The following ADGRG5 variants were observed in gnomAD, a reference collection of about 807,000 sequenced individuals.
The protein encoded by ADGRG5 is adhesion G protein-coupled receptor G5.
Under a neutral mutation model 53.2 loss-of-function variants are expected in ADGRG5, and 37 were observed. That is an observed-to-expected ratio of 0.70 (90% CI 0.53 to 0.91). The LOEUF (loss-of-function observed/expected upper bound fraction) is 0.91. ADGRG5 is among the 40% of genes least tolerant of loss of function. ADGRG5 has a pLI of 0.00. For synonymous variants in ADGRG5, 277 were observed against 290.4 expected (o/e 0.95, Z 0.47); for missense variants, 614 against 675.8 (o/e 0.91, Z 1.01).
chr16:57,556,144 C>T (rs1267229244), intron 1 of ADGRG5, among the ~76,000 whole-genome samples: 1 of 152,142 alleles, frequency 6.6e-6, no homozygotes, highest in African/African-American at 2.4e-5. Flanking sequence ...TACTAATACA[C>T]TTATGATTGG....
chr16:57,565,395 C>T (rs1226423955), intron 6 of ADGRG5: 3 of 545,358 alleles, frequency 5.5e-6, no homozygotes, highest in African/African-American at 3.8e-5. Flanking sequence ...CTGATTGGCA[C>T]ACATCCATGA....
At chr16:57,554,351 A>G (rs1431006395) in intron 1 of ADGRG5, among the ~76,000 whole-genome samples, 1 of 149,042 alleles carries the variant, frequency 6.7e-6, no homozygotes, top group African/African-American at 2.5e-5. Context: ...TCCATTTTCT[A>G]TTTTATTGAT....
chr16:57,541,260 C>G (rs1361814807), upstream of ADGRG5, among the ~76,000 whole-genome samples: 1 of 152,138 alleles, frequency 6.6e-6, no homozygotes, highest in Non-Finnish European at 1.5e-5. Context: ...CCTCCTGAGC[C>G]CTAAGAATAG....
the ADGRG5 span, chr16:57,529,407 C>T: frequency 1.6e-5 from 5 of 313,766 alleles, no homozygotes; most frequent in South Asian, 1.4e-4. This position sits in a 1 kb window ranked among gnomAD's most constrained non-coding sequence, Gnocchi z 4.1. Context: ...GCGGAGGGAA[C>T]AGAACGGCCA....
At chr16:57,554,991 GT>G (rs564319264) in intron 1 of ADGRG5, among the ~76,000 whole-genome samples, 1 of 151,940 alleles carries the variant, frequency 6.6e-6, no homozygotes, top group Non-Finnish European at 1.5e-5. Flanking sequence ...GCCTCTTTAT[GT>G]TTTTTAATTC....
intron 1 of ADGRG5, among the ~76,000 whole-genome samples, chr16:57,555,746 A>G (rs945111828): frequency 5.3e-5 from 8 of 152,150 alleles, no homozygotes; most frequent in Admixed American, 1.3e-4. Flanking sequence ...ACTTTTTCAG[A>G]TATTAATATA....
At chr16:57,543,998 C>G (rs4784824) in intron 1 of ADGRG5, among the ~76,000 whole-genome samples, 70,858 of 152,044 alleles carry the variant, frequency 0.47, 16,963 homozygotes, top group East Asian at 0.67. Flanking sequence ...CTGAATACTG[C>G]AACTGGTTAT....
At chr16:57,550,768 G>A (rs1371060232) in intron 1 of ADGRG5, among the ~76,000 whole-genome samples, 1 of 152,162 alleles carries the variant, frequency 6.6e-6, no homozygotes, top group Non-Finnish European at 1.5e-5. Flanking sequence ...GGTGGCTCAT[G>A]TCTGTAATCC....
rs1362247052 is a variant in ADGRG5, at chr16:57,574,058, C to T, written c.1209-757C>T. Among the ~76,000 whole-genome samples the T allele has an allele frequency of 3.3e-5, 5 of 152,178 alleles. No homozygotes were observed. The East Asian group carries it at 5.8e-4, about 18-fold the overall frequency. The stretch of plus-strand genomic sequence containing the variant: ...TAGTTCTAGGAAGTCCTTACATTTC[C>T]CTGTCTCTAAACCCTTTTCTCCTGC... On this transcript the variant is annotated intron_variant, in intron 10 of 11. Coordinates refer to ENST00000349457, the MANE Select transcript of ADGRG5 (RefSeq NM_001304376.3). This position sits in a 1 kb window ranked among gnomAD's most constrained non-coding sequence, Gnocchi z 4.4.
rs754271937 is a variant in ADGRG5 at position 57,565,164 on chromosome 16, C to T, written c.546+14C>T. On this transcript the variant is annotated intron_variant, in intron 6 of 11. Transcript: ENST00000349457. ...AACCAAAGCCTGGTACTGCTGGGGG[C>T]GCCCCCGTTTCCACTGCACCCCTGC... The T allele has an allele frequency of 3.4e-5, 53 of 1,539,088 alleles. No homozygotes were observed. In the East Asian group the frequency reaches 5.2e-4, roughly 15 times the overall value.
chr16:57,548,351 C>G (rs1368413133), intron 1 of ADGRG5, among the ~76,000 whole-genome samples: 2 of 152,016 alleles, frequency 1.3e-5, no homozygotes, highest in Non-Finnish European at 2.9e-5. Flanking sequence ...TCTTGCATGC[C>G]TATAGTATAA....
rs1438742360 is a variant in ADGRG5, at chr16:57,562,040, C to T, written c.-38-16C>T. 4 of 1,423,322 alleles carry T rather than the reference C, an allele frequency of 2.8e-6. No homozygotes were observed. The highest frequency in any genetic ancestry group is 2.2e-5 in the Admixed American group (1 of 44,526). The allele number at this position is 1,423,322 out of a possible 1,614,324, so 88.2% of individuals were successfully genotyped here. A position where few individuals can be genotyped will look rare whatever the true frequency, so the allele number is the denominator to read the frequency against. On this transcript the variant is annotated splice_polypyrimidine_tract_variant and intron_variant, in intron 1 of 11. Transcript: ENST00000349457. ...TGCTCTTTTATCATCATGGTGATGG[C>T]ATGCACCTTTTTCAGGGCCGGAGCC... is the stretch of plus-strand genomic sequence containing the variant.
At chr16:57,534,091 T>G in the ADGRG5 span, among the ~76,000 whole-genome samples, 2,179 of 152,170 alleles carry the variant, frequency 0.014, 41 homozygotes, top group African/African-American at 0.049. Flanking sequence ...TGTCCCAGAC[T>G]CCAAAACCCC....
chr16:57,564,982 C>T, intron 5 of ADGRG5, 52 bp from the exon 6 acceptor site: 1 of 1,073,788 alleles, frequency 9.3e-7, no homozygotes, highest in Non-Finnish European at 1.4e-6. Flanking sequence ...AGACCTTACC[C>T]AGGGCCTCCC....
Position 57,554,463 on chromosome 16 carries a change from G to T in ADGRG5, c.-38-7593G>T, listed in dbSNP as rs973614000. ...GCAATCTCAGCTCACTGCAAGCTCT[G>T]CCTCCCAGGTTCACGCCATTCTCCT... On this transcript the variant is annotated intron_variant, in intron 1 of 11. Transcript: ENST00000349457. 4.0e-5 allele frequency among the ~76,000 whole-genome samples: 6 copies of T among 150,856 alleles called. No individual in the cohort carries two copies. In the East Asian group the frequency reaches 9.7e-4, roughly 24 times the overall value.
the ADGRG5 span, among the ~76,000 whole-genome samples, chr16:57,534,321 C>G: frequency 1.3e-5 from 2 of 152,236 alleles, no homozygotes; most frequent in African/African-American, 4.8e-5. Flanking sequence ...CAGCTGTGCT[C>G]ACTGGTAGCT....
chr16:57,569,027 CCAT>C (rs1354846626), intron 9 of ADGRG5, among the ~76,000 whole-genome samples: 1 of 151,182 alleles, frequency 6.6e-6, no homozygotes, highest in African/African-American at 2.4e-5. Context: ...TCCATCACCA[CCAT>C]CACCATCTCC....
At chr16:57,559,322 C>T (rs1245751845) in intron 1 of ADGRG5, among the ~76,000 whole-genome samples, 1 of 152,170 alleles carries the variant, frequency 6.6e-6, no homozygotes, top group African/African-American at 2.4e-5. Context: ...AGCCAATTAC[C>T]ACCTTGCACT....
the ADGRG5 span, chr16:57,536,631 G>T: frequency 6.6e-6 from 1 of 152,252 alleles, no homozygotes; most frequent in Non-Finnish European, 1.5e-5. Context: ...CCCGGGGGGA[G>T]GGGAAGCAGG....
Sources: allele counts gnomAD v4.1 joint callset (sites outside exome capture counted in the v4.1 genomes callset), GRCh38; gene constraint gnomAD v4.1.1; non-coding constraint Gnocchi (gnomAD v3.1); transcripts MANE v1.5; gene names NCBI Gene and HGNC (gene_info 2026-07-23, HGNC 2026-07-21).